The following VWA8 variants were observed in gnomAD, a reference collection of about 807,000 sequenced individuals.
VWA8 encodes the protein von Willebrand factor A domain-containing protein 8.
A neutral mutation model predicts 241.5 loss-of-function variants in VWA8; 221 were observed. The observed-to-expected ratio is 0.91, with a 90% confidence interval of 0.82 to 1.02. The LOEUF is 1.02. Ranked by LOEUF, VWA8 falls within the 50% of genes least tolerant of loss-of-function variation. VWA8 has a pLI of 0.00. For synonymous variants in VWA8, 852 were observed against 827.1 expected, an observed-to-expected ratio of 1.03 and a Z score of -0.52; for missense variants, 2,322 against 2,328.7, an observed-to-expected ratio of 1.00 and a Z score of 0.06.
chr13:41,719,345 A>G (rs1396560366), intron 26 of VWA8: 5 of 1,323,348 alleles, frequency 3.8e-6, no homozygotes, highest in Non-Finnish European at 4.8e-6. Flanking sequence ...TGTTAAAGAA[A>G]CAAATATTTC....
chr13:41,818,396 A>AC (rs1870795714), intron 15 of VWA8, among the ~76,000 whole-genome samples: 1 of 146,754 alleles, frequency 6.8e-6, no homozygotes, highest in Admixed American at 6.8e-5. Flanking sequence ...ACATGGTGAA[A>AC]CCCCGTCTCT....
chr13:41,712,913 G>T (rs2045327436), intron 26 of VWA8, among the ~76,000 whole-genome samples: 1 of 152,180 alleles, frequency 6.6e-6, no homozygotes, highest in Admixed American at 6.5e-5. Context: ...CTTGATAAAT[G>T]TCAACTATTT....
intron 43 of VWA8, among the ~76,000 whole-genome samples, chr13:41,573,820 C>A (rs1330447390): frequency 6.6e-6 from 1 of 151,506 alleles, no homozygotes; most frequent in Non-Finnish European, 1.5e-5. Context: ...TGGGATTTCG[C>A]CAGGTTGGCC....
Position 41,611,930 on chromosome 13 carries a change from A to G in VWA8, c.4721-198T>C, listed in dbSNP as rs2044591808. On this transcript the variant is annotated intron_variant, in intron 38 of 44. Transcript: ENST00000379310. ...CCTTTTTCCCATCCATTAAAATACT[A>G]CCTATATATCAAGGCTTACTCCAGC... is the stretch of plus-strand genomic sequence containing the variant. Among the ~76,000 whole-genome samples, 3 of 152,140 alleles carry G rather than the reference A, an allele frequency of 2.0e-5. No homozygotes were observed. The South Asian group carries it at 6.2e-4, about 32-fold the overall frequency.
intron 37 of VWA8, among the ~76,000 whole-genome samples, chr13:41,660,577 A>G (rs893166996): frequency 3.9e-5 from 6 of 152,188 alleles, no homozygotes; most frequent in Non-Finnish European, 7.3e-5. Context: ...AGTCCCATTC[A>G]TCCTGGGGAA....
intron 36 of VWA8, among the ~76,000 whole-genome samples, chr13:41,672,075 C>T (rs945855581): frequency 6.6e-6 from 1 of 152,194 alleles, no homozygotes; most frequent in Non-Finnish European, 1.5e-5. Flanking sequence ...GAACCCTATA[C>T]CAGTTCATAC....
chr13:41,832,645 C>A (rs952624662), intron 13 of VWA8, among the ~76,000 whole-genome samples: 1 of 151,486 alleles, frequency 6.6e-6, no homozygotes, highest in Non-Finnish European at 1.5e-5. Context: ...AGTTAAAAAT[C>A]AAATGTCTAC....
At chr13:41,697,791 G>A (rs1165855214) in intron 29 of VWA8, among the ~76,000 whole-genome samples, 1 of 152,158 alleles carries the variant, frequency 6.6e-6, no homozygotes, top group African/African-American at 2.4e-5. Flanking sequence ...CGGCCTGGGA[G>A]TTGGGGACCC....
intron 37 of VWA8, among the ~76,000 whole-genome samples, chr13:41,643,590 G>A (rs1435676678): frequency 6.6e-6 from 1 of 152,216 alleles, no homozygotes; most frequent in Non-Finnish European, 1.5e-5. Flanking sequence ...AACGTTGTTT[G>A]CATATGTTAG....
rs59345894 is a variant in VWA8, at chr13:41,729,798, GACACACACAC to G, written c.2503-131_2503-122del. On this transcript the variant is annotated intron_variant, in intron 22 of 44. Coordinates refer to ENST00000379310, the MANE Select transcript of VWA8 (RefSeq NM_015058.2). ...TATTTAAGTTACAAGTATACACGTAGACACACACACACACACACACACACACACACACACA... is the reference window on the plus strand; with the variant it reads ...TATTTAAGTTACAAGTATACACGTAGACACACACACACACACACACACACA... The G allele has an allele frequency of 1.2e-3, 514 of 445,120 alleles. 1 individual carries two copies. The highest frequency in any genetic ancestry group is 6.9e-3 in the African/African-American group (302 of 43,992). 27.6% of individuals were successfully genotyped at this position (445,120 alleles called of 1,614,324 possible). A position where few individuals can be genotyped will look rare whatever the true frequency, so the allele number is the denominator to read the frequency against.
chr13:41,884,232 G>C (rs1874402160), intron 8 of VWA8, among the ~76,000 whole-genome samples: 1 of 152,140 alleles, frequency 6.6e-6, no homozygotes, highest in Admixed American at 6.5e-5. Flanking sequence ...TGTCATGGGA[G>C]GGACCCAGTG....
intron 23 of VWA8, among the ~76,000 whole-genome samples, chr13:41,729,019 T>C (rs2045459411): frequency 6.6e-6 from 1 of 152,062 alleles, no homozygotes; most frequent in African/African-American, 2.4e-5. Flanking sequence ...AAGATTAATC[T>C]ATCTTCATTT....
chr13:41,893,991 G>T (rs1391542655), intron 4 of VWA8, among the ~76,000 whole-genome samples: 1 of 152,198 alleles, frequency 6.6e-6, no homozygotes, highest in Non-Finnish European at 1.5e-5. Context: ...GAAATTAATT[G>T]TTATCATAAT....
rs149384879 is a variant in VWA8 at position 41,627,199 on chromosome 13, C to A, written c.4612-12115G>T. On this transcript the variant is annotated intron_variant, in intron 37 of 44. Coordinates refer to ENST00000379310, the MANE Select transcript of VWA8 (RefSeq NM_015058.2). Reference sequence around the variant, plus strand: ...CTAATTATTAGAGAAATGCAAATCACAACCACAATGAGATAACATCTCACA... The same window carrying A: ...CTAATTATTAGAGAAATGCAAATCAAAACCACAATGAGATAACATCTCACA... 5.5e-3 allele frequency among the ~76,000 whole-genome samples: 843 copies of A among 152,186 alleles called. 11 individuals are homozygous for A. The highest frequency in any genetic ancestry group is 0.016 in the African/African-American group (667 of 41,546).
intron 35 of VWA8, among the ~76,000 whole-genome samples, chr13:41,681,821 T>C (rs2045101318): frequency 6.6e-6 from 1 of 151,788 alleles, no homozygotes; most frequent in Admixed American, 6.6e-5. Context: ...TCTGAGGAAG[T>C]GACATTTAAA....
At chr13:41,811,373 CT>C in intron 16 of VWA8, 33 bp from the exon 17 acceptor site, 1 of 1,543,410 alleles carries the variant, frequency 6.5e-7, no homozygotes, top group South Asian at 1.2e-5. Context: ...TGTTAAGAGT[CT>C]TGTTTCAACT....
intron 37 of VWA8, among the ~76,000 whole-genome samples, chr13:41,661,532 C>T (rs2044950083): frequency 6.6e-6 from 1 of 152,150 alleles, no homozygotes; most frequent in African/African-American, 2.4e-5. Context: ...TCTCCATCTG[C>T]AAATAACATA....
chr13:41,852,065 C>T (rs545423279), intron 12 of VWA8, among the ~76,000 whole-genome samples: 2 of 152,292 alleles, frequency 1.3e-5, no homozygotes, highest in African/African-American at 2.4e-5. Context: ...ACAAGCATTT[C>T]TTCTCCACAT....
intron 37 of VWA8, among the ~76,000 whole-genome samples, chr13:41,640,475 TAGACTA>T (rs67099070): frequency 0.076 from 11,593 of 152,194 alleles, 888 homozygotes; most frequent in African/African-American, 0.2. Context: ...CAAAGATGGC[TAGACTA>T]AGACTAAGAG....
Sources: gnomAD v4.1 joint callset for allele counts (sites outside exome capture counted in the v4.1 genomes callset) on GRCh38, gnomAD v4.1.1 for gene constraint, MANE v1.5 for transcripts, NCBI Gene and HGNC (gene_info 2026-07-23, HGNC 2026-07-21) for gene names.